NFKB1: variants seen among roughly 807,000 people sequenced by gnomAD.
NFKB1 encodes nuclear factor NF-kappa-B p105 subunit.
In NFKB1, 9 loss-of-function variants were observed where a neutral mutation model predicts 105.1. The ratio of observed to expected loss-of-function variants is 0.09; its 90% CI spans 0.05 to 0.15. The LOEUF (loss-of-function observed/expected upper bound fraction) is 0.15. NFKB1 is among the 10% of genes least tolerant of loss of function. The probability of loss-of-function intolerance (pLI) is 1.00; values close to 1 mark genes in which losing one functional copy is unlikely to be tolerated. For synonymous variants in NFKB1, 440 were observed against 442.2 expected (o/e 1.00, Z 0.06); for missense variants, 830 against 1,203.7 (o/e 0.69, Z 4.59).
chr4:102,522,889 A>G (rs1165822232), intron 1 of NFKB1, among the ~76,000 whole-genome samples: 2 of 152,178 alleles, frequency 1.3e-5, no homozygotes, highest in Non-Finnish European at 2.9e-5. Context: ...TTTAAGTGTA[A>G]TGTTTTTACT....
At chr4:102,548,157 C>T (rs562413937) in intron 5 of NFKB1, among the ~76,000 whole-genome samples, 16 of 152,212 alleles carry the variant, frequency 1.1e-4, no homozygotes, top group African/African-American at 3.4e-4. Context: ...GAGAAAGGAA[C>T]TCACGGGCCA....
At chr4:102,592,717 C>A (rs1225031107) in intron 11 of NFKB1, among the ~76,000 whole-genome samples, 4 of 152,134 alleles carry the variant, frequency 2.6e-5, no homozygotes, top group Admixed American at 2.6e-4. Context: ...CAGAGGCATG[C>A]CTGTACTAAA....
intron 5 of NFKB1, among the ~76,000 whole-genome samples, chr4:102,551,363 T>TGA (rs755365634): frequency 1.5e-5 from 1 of 68,324 alleles, no homozygotes; most frequent in African/African-American, 7.9e-5. Flanking sequence ...TGTGTGTGTG[T>TGA]GTGTGCGCGC....
chr4:102,506,830 C>G (rs964544315), intron 1 of NFKB1, among the ~76,000 whole-genome samples: 2 of 151,866 alleles, frequency 1.3e-5, no homozygotes. Flanking sequence ...TCACATCACT[C>G]ACAACAAACA....
chr4:102,529,083 ACT>A (rs1287260999), intron 2 of NFKB1, among the ~76,000 whole-genome samples: 1 of 151,942 alleles, frequency 6.6e-6, no homozygotes, highest in African/African-American at 2.4e-5. Context: ...AATTCAAGAC[ACT>A]CTCTTCATCT....
chr4:102,607,597 A>G (rs916187824), intron 18 of NFKB1, 52 bp from the exon 19 acceptor site: 4 of 1,579,252 alleles, frequency 2.5e-6, no homozygotes, highest in South Asian at 1.1e-5. Context: ...GGTGGGGACA[A>G]AAGGGCAAAA....
chr4:102,508,135 G>T (rs1739547549), intron 1 of NFKB1, among the ~76,000 whole-genome samples: 1 of 152,174 alleles, frequency 6.6e-6, no homozygotes, highest in African/African-American at 2.4e-5. Context: ...CAGTTCTTAA[G>T]TATAGGCTTA....
intron 1 of NFKB1, among the ~76,000 whole-genome samples, chr4:102,514,242 C>CA (rs1739978235): frequency 6.6e-6 from 1 of 151,958 alleles, no homozygotes; most frequent in Non-Finnish European, 1.5e-5. Flanking sequence ...GTGTTGTAGA[C>CA]ACACTAGGTT....
chr4:102,594,795 C>A, intron 12 of NFKB1, 97 bp from the exon 13 acceptor site: 1 of 827,216 alleles, frequency 1.2e-6, no homozygotes. Context: ...TCCTGTCACA[C>A]CAAAGGCTGT....
chr4:102,510,547 TGTGA>T (rs2149097595), intron 1 of NFKB1, among the ~76,000 whole-genome samples: 1 of 152,310 alleles, frequency 6.6e-6, no homozygotes, highest in African/African-American at 2.4e-5. Context: ...GAAAAATGCA[TGTGA>T]GTAAGTACCA....
At chr4:102,548,665 C>T (rs186796465) in intron 5 of NFKB1, among the ~76,000 whole-genome samples, 23 of 152,276 alleles carry the variant, frequency 1.5e-4, no homozygotes, top group African/African-American at 4.3e-4. Context: ...CAGGGCCGTG[C>T]CCCCTTTGAA....
intron 15 of NFKB1, among the ~76,000 whole-genome samples, chr4:102,599,262 A>T (rs764090596): frequency 2.6e-5 from 4 of 152,156 alleles, no homozygotes; most frequent in Non-Finnish European, 5.9e-5. Flanking sequence ...GGCCCTTTTC[A>T]GAAGTCTTCT....
In NFKB1 at chr4:102,606,541, G is replaced by A. The variant is rs535706427; in HGVS notation, c.1798G>A (p.Glu600Lys). The change falls in exon 17 of 24, where the codon GAG (glutamate) becomes AAG (lysine). Residue 600 changes from glutamate to lysine, a missense_variant. By Grantham distance (56) the Glu-to-Lys change is moderately conservative (BLOSUM62 1). Coordinates refer to ENST00000226574, the MANE Select transcript of NFKB1 (RefSeq NM_003998.4). ...AVITKQEDVVEDLLRAGADLS... is the reference protein window; with the variant it reads ...AVITKQEDVVKDLLRAGADLS... ...GATCACTAAGCAGGAAGATGTGGTG[G>A]AGGATTTGCTGAGGGCTGGGGCCGA... The A allele has an allele frequency of 1.2e-6, 2 of 1,614,172 alleles. No individual in the cohort carries two copies. Among genetic ancestry groups the A allele is most frequent in the South Asian group, 2.2e-5 (2 of 91,084 alleles).
At chr4:102,537,992 T>C in intron 5 of NFKB1, 36 bp downstream of exon 5, 2 of 1,323,500 alleles carry the variant, frequency 1.5e-6, no homozygotes, top group Non-Finnish European at 2.2e-6. Context: ...ATTTGAATTC[T>C]GGAAATTTTG....
Position 102,607,762 on chromosome 4 carries a change from G to C in NFKB1, c.2227+11G>C, listed in dbSNP as rs1727940420. On this transcript the variant is annotated intron_variant, in intron 19 of 23. Transcript: ENST00000226574. ...TTCTCAAAGCAGCAGGTAAGATGGT[G>C]ATCTGGCGGTCATTAATGAAAAATG... 1 of 1,611,466 alleles carries C rather than the reference G, an allele frequency of 6.2e-7. No individual in the cohort carries two copies. Among genetic ancestry groups the C allele is most frequent in the African/African-American group, 1.3e-5 (1 of 74,878 alleles).
At chr4:102,583,719 C>T (rs2149191193) in intron 10 of NFKB1, among the ~76,000 whole-genome samples, 1 of 151,764 alleles carries the variant, frequency 6.6e-6, no homozygotes, top group African/African-American at 2.4e-5. Context: ...CATTTAATAA[C>T]ATGATAATGC....
chr4:102,518,880 T>C (rs1740379320), intron 1 of NFKB1, among the ~76,000 whole-genome samples: 1 of 152,210 alleles, frequency 6.6e-6, no homozygotes, highest in African/African-American at 2.4e-5. Context: ...ATGGTAACAA[T>C]GTTCCAAGAA....
At chr4:102,576,584 C>T (rs1487066361) in intron 6 of NFKB1, among the ~76,000 whole-genome samples, 1 of 152,106 alleles carries the variant, frequency 6.6e-6, no homozygotes, top group Non-Finnish European at 1.5e-5. Context: ...TTTATTTTTC[C>T]ATTTGGTGAG....
intron 23 of NFKB1, among the ~76,000 whole-genome samples, chr4:102,616,091 A>G (rs1489661356): frequency 2.0e-5 from 3 of 152,220 alleles, no homozygotes; most frequent in Non-Finnish European, 4.4e-5. Flanking sequence ...CAGCTATGAA[A>G]TAGATAATAC....
Sources: allele counts gnomAD v4.1 joint callset (sites outside exome capture counted in the v4.1 genomes callset), GRCh38; gene constraint gnomAD v4.1.1; transcripts MANE v1.5; gene names NCBI Gene and HGNC (gene_info 2026-07-23, HGNC 2026-07-21).